The following TTC28 variants were observed in gnomAD, a reference collection of about 807,000 sequenced individuals.
TTC28 encodes tetratricopeptide repeat domain 28, also known as tetratricopeptide repeat protein 28.
In TTC28, 61 loss-of-function variants were observed where a neutral mutation model predicts 198.0. The observed-to-expected ratio is 0.31, with a 90% CI of 0.25 to 0.38. The LOEUF (loss-of-function observed/expected upper bound fraction) is 0.38, where lower values mean the gene tolerates loss of function less well. Ranked by LOEUF, TTC28 falls within the 10% of genes least tolerant of loss-of-function variation. The pLI is 1.00. For missense variants in TTC28, 2,678 were observed against 3,164.0 expected (o/e 0.85, Z 3.69); for synonymous variants, 1,171 against 1,297.8 (o/e 0.90, Z 2.10).
At chr22:28,051,223 T>G (rs1940073742) in intron 12 of TTC28, among the ~76,000 whole-genome samples, 1 of 152,042 alleles carries the variant, frequency 6.6e-6, no homozygotes, top group Non-Finnish European at 1.5e-5. Context: ...AGAGGGAGAG[T>G]GTGACTCCCA....
intron 2 of TTC28, among the ~76,000 whole-genome samples, chr22:28,496,315 T>C (rs1357886548): frequency 6.6e-6 from 1 of 152,094 alleles, no homozygotes; most frequent in Non-Finnish European, 1.5e-5. Flanking sequence ...TCCCCTTAGG[T>C]GTCTAATAAA....
At chr22:28,317,921 T>C (rs1347024986) in intron 2 of TTC28, among the ~76,000 whole-genome samples, 1 of 152,116 alleles carries the variant, frequency 6.6e-6, no homozygotes, top group African/African-American at 2.4e-5. Flanking sequence ...TTTTGCTTGT[T>C]GTTTTGGGGT....
At chr22:28,440,401 C>T (rs907533213) in intron 2 of TTC28, among the ~76,000 whole-genome samples, 4 of 152,088 alleles carry the variant, frequency 2.6e-5, no homozygotes, top group African/African-American at 9.7e-5. Flanking sequence ...TAGATTAATC[C>T]AGCAAGTAAG....
intron 6 of TTC28, among the ~76,000 whole-genome samples, chr22:28,114,629 G>C (rs1409700177): frequency 6.6e-6 from 1 of 150,838 alleles, no homozygotes; most frequent in Non-Finnish European, 1.5e-5. Flanking sequence ...ACCTATGCTG[G>C]AGTGCAGTGG....
chr22:28,088,169 G>A (rs1027365703), intron 12 of TTC28, among the ~76,000 whole-genome samples: 2 of 152,074 alleles, frequency 1.3e-5, no homozygotes, highest in African/African-American at 4.8e-5. Context: ...CTACTTTAAA[G>A]TTCATATGGC....
At chr22:28,418,874 G>C (rs985346454) in intron 2 of TTC28, among the ~76,000 whole-genome samples, 13 of 152,168 alleles carry the variant, frequency 8.5e-5, no homozygotes, top group African/African-American at 3.1e-4. Flanking sequence ...ATCAGAAGAA[G>C]AAAGGTATTT....
intron 2 of TTC28, among the ~76,000 whole-genome samples, chr22:28,364,058 A>G (rs2046204441): frequency 6.6e-6 from 1 of 152,182 alleles, no homozygotes; most frequent in South Asian, 2.1e-4. Flanking sequence ...AATGTAGGAC[A>G]TGAGACCTGG....
chr22:28,130,758 T>A (rs1325084579), intron 6 of TTC28, among the ~76,000 whole-genome samples: 1 of 152,262 alleles, frequency 6.6e-6, no homozygotes, highest in East Asian at 1.9e-4. Flanking sequence ...ATCACTTCTA[T>A]AAGGTTCCTT....
intron 2 of TTC28, among the ~76,000 whole-genome samples, chr22:28,348,957 C>T (rs776962717): frequency 6.6e-6 from 1 of 152,142 alleles, no homozygotes; most frequent in African/African-American, 2.4e-5. Flanking sequence ...CACTGATGAA[C>T]TAAATGCCCA....
In TTC28 at chr22:28,107,600, C is replaced by T. The variant is rs1273951067; in HGVS notation, c.2245G>A (p.Asp749Asn). The T allele has an allele frequency of 6.4e-7, 1 of 1,551,738 alleles. No individual in the cohort carries two copies. The highest frequency in any genetic ancestry group is 1.2e-5 in the South Asian group (1 of 84,056). The stretch of plus-strand genomic sequence containing the variant: ...TATGCACTGGCTTCTAATCTTCTGT[C>T]CTTTACCTGGTGAGCTAAGCCCAGT... Reference protein sequence around the residue: ...QQLGLAHQVKDRRLEASAYAA... With the variant: ...QQLGLAHQVKNRRLEASAYAA... The change falls in exon 7 of 23, where the codon GAC (aspartate) becomes AAC (asparagine). Residue 749 changes from aspartate (D) to asparagine (N), a missense_variant. Transcript: ENST00000397906.
chr22:28,055,264 C>T (rs539314751), intron 12 of TTC28, among the ~76,000 whole-genome samples: 3 of 152,298 alleles, frequency 2.0e-5, no homozygotes, highest in Admixed American at 1.3e-4. Context: ...TGGGTAACAA[C>T]TGAGCACAGG....
intron 2 of TTC28, among the ~76,000 whole-genome samples, chr22:28,628,819 A>G (rs1378674918): frequency 6.6e-6 from 1 of 152,150 alleles, no homozygotes; most frequent in Non-Finnish European, 1.5e-5. Flanking sequence ...ACATACCTGT[A>G]GTCCCAGCTA....
At chr22:28,676,929 T>C (rs5762741) in intron 1 of TTC28, among the ~76,000 whole-genome samples, 89,567 of 151,044 alleles carry the variant, frequency 0.59, 27,120 homozygotes, top group South Asian at 0.74. Context: ...CCGAGGAGGG[T>C]GGATCATTTG....
At chr22:28,113,160 G>A (rs1942533171) in intron 6 of TTC28, among the ~76,000 whole-genome samples, 1 of 152,154 alleles carries the variant, frequency 6.6e-6, no homozygotes, top group Non-Finnish European at 1.5e-5. Context: ...ACTAAACATA[G>A]AATGCAGTTC....
intron 2 of TTC28, among the ~76,000 whole-genome samples, chr22:28,577,957 G>C (rs1379908124): frequency 6.6e-6 from 1 of 151,958 alleles, no homozygotes; most frequent in Non-Finnish European, 1.5e-5. Flanking sequence ...TAGTCAATTT[G>C]TGTTCAATGT....
chr22:28,641,746 C>T (rs1265403369), intron 1 of TTC28, among the ~76,000 whole-genome samples: 1 of 151,862 alleles, frequency 6.6e-6, no homozygotes, highest in Non-Finnish European at 1.5e-5. Flanking sequence ...AAAGAAAATA[C>T]TGAAAGAAAA....
chr22:28,063,361 G>A (rs1164811332), intron 12 of TTC28, among the ~76,000 whole-genome samples: 3 of 152,088 alleles, frequency 2.0e-5, no homozygotes, highest in Admixed American at 6.5e-5. Flanking sequence ...AGCTTTAAAC[G>A]CCAAATGTGG....
chr22:28,380,743 TC>T (rs1252856946), intron 2 of TTC28, among the ~76,000 whole-genome samples: 2 of 152,184 alleles, frequency 1.3e-5, no homozygotes, highest in Non-Finnish European at 2.9e-5. Flanking sequence ...GCTACCTTGT[TC>T]CAGGTACTGT....
chr22:28,663,250 A>G (rs1403979159), intron 1 of TTC28, among the ~76,000 whole-genome samples: 1 of 150,462 alleles, frequency 6.6e-6, no homozygotes, highest in African/African-American at 2.4e-5. Flanking sequence ...TCCGTCTCAA[A>G]AAAAAAAAAA....
Sources: allele counts gnomAD v4.1 joint callset (sites outside exome capture counted in the v4.1 genomes callset), GRCh38; gene constraint gnomAD v4.1.1; transcripts MANE v1.5; gene names NCBI Gene and HGNC (gene_info 2026-07-23, HGNC 2026-07-21).